Variants in MYO1F observed in about 807,000 individuals in gnomAD.
MYO1F encodes the protein unconventional myosin-If.
In MYO1F, 60 loss-of-function variants were observed where a neutral mutation model predicts 146.6. The ratio of observed to expected loss-of-function variants is 0.41; its 90% CI spans 0.33 to 0.51. The LOEUF (loss-of-function observed/expected upper bound fraction) is 0.51, where lower values mean the gene tolerates loss of function less well. Among genes scored for constraint, MYO1F ranks in the 20% least tolerant of loss-of-function variants. MYO1F has a pLI of 0.25. For synonymous variants in MYO1F, 602 were observed against 602.1 expected (o/e 1.00, Z 0.00); for missense variants, 1,274 against 1,534.3 (o/e 0.83, Z 2.83).
At chr19:8,566,667 C>T (rs1600052894) in intron 1 of MYO1F, among the ~76,000 whole-genome samples, 1 of 151,350 alleles carries the variant, frequency 6.6e-6, no homozygotes, top group East Asian at 1.9e-4. Flanking sequence ...GTGCATGCCA[C>T]CATGCCCAGG....
At chr19:8,524,582 CA>C (rs35275313) in intron 25 of MYO1F, among the ~76,000 whole-genome samples, 106,953 of 132,038 alleles carry the variant, frequency 0.81, 43,949 homozygotes, top group Non-Finnish European at 0.91. Flanking sequence ...GAGACTGTCT[CA>C]AAAAAAAAAA....
intron 1 of MYO1F, among the ~76,000 whole-genome samples, chr19:8,557,974 G>A (rs1973927452): frequency 6.6e-6 from 1 of 151,998 alleles, no homozygotes; most frequent in Non-Finnish European, 1.5e-5. Flanking sequence ...ACCATGTGCT[G>A]TGACCTCTGC....
intron 27 of MYO1F, among the ~76,000 whole-genome samples, 182 bp from the exon 28 acceptor site, chr19:8,521,786 T>G (rs988589551): frequency 5.3e-5 from 8 of 151,716 alleles, no homozygotes; most frequent in Admixed American, 5.2e-4. Context: ...TGTGAGCCAC[T>G]GCATCCGGCC....
intron 1 of MYO1F, among the ~76,000 whole-genome samples, chr19:8,571,211 C>T (rs1327897131): frequency 6.6e-6 from 1 of 152,178 alleles, no homozygotes; most frequent in African/African-American, 2.4e-5. Flanking sequence ...AGCTAAGCCT[C>T]CGTAGCTGCT....
chr19:8,559,555 G>A (rs922564970), intron 1 of MYO1F, among the ~76,000 whole-genome samples: 1 of 152,066 alleles, frequency 6.6e-6, no homozygotes, highest in African/African-American at 2.4e-5. Flanking sequence ...GGGTTGATGA[G>A]AGGATGAACT....
Position 8,527,377 on chromosome 19 carries a change from T to C in MYO1F, c.2435A>G (p.Lys812Arg), listed in dbSNP as rs1972314311. The stretch of plus-strand genomic sequence containing the variant: ...CCGCAGAGCCTGGATGTCCACTTTC[T>C]TCTTCAAGACTTCACACACCTGGCC... ...EKGQVCEVLKKKVDIQALRGV... is the reference protein window; with the variant it reads ...EKGQVCEVLKRKVDIQALRGV... Residue 812 changes from lysine to arginine, a missense_variant, in exon 22 of 28, where the codon AAG (lysine) becomes AGG (arginine). By Grantham distance (26) the Lys-to-Arg change is conservative. Coordinates refer to ENST00000644032, the MANE Select transcript of MYO1F (RefSeq NM_012335.4). The C allele has an allele frequency of 1.2e-6, 2 of 1,614,144 alleles. No homozygotes were observed. The highest frequency in any genetic ancestry group is 4.5e-5 in the East Asian group (2 of 44,876).
At chr19:8,542,296 C>T (rs1053695221) in intron 14 of MYO1F, among the ~76,000 whole-genome samples, 1 of 120,920 alleles carries the variant, frequency 8.3e-6, no homozygotes, top group African/African-American at 3.3e-5. Flanking sequence ...CAGCTTGCAT[C>T]AGAGGCCGGG....
Position 8,550,543 on chromosome 19 carries a change from C to T in MYO1F, c.904+19G>A, listed in dbSNP as rs1973560389. The T allele has an allele frequency of 6.2e-7, 1 of 1,614,000 alleles. No individual in the cohort carries two copies. Among genetic ancestry groups the T allele is most frequent in the Non-Finnish European group, 8.5e-7 (1 of 1,180,028 alleles). On this transcript the variant is annotated intron_variant, in intron 9 of 27. Coordinates refer to ENST00000644032, the MANE Select transcript of MYO1F (RefSeq NM_012335.4). ...CACCCACAGGCCTCCATCCAGCCCT[C>T]CCTGATACCCACACTCACGGTCCAC...
intron 3 of MYO1F, 22 bp from the exon 4 acceptor site, chr19:8,554,593 C>T: frequency 1.9e-6 from 3 of 1,611,982 alleles, no homozygotes; most frequent in East Asian, 2.2e-5. Context: ...GGTCAGGTCT[C>T]AGCCCAGGGC....
At position 8,530,636 on chromosome 19, in the gene MYO1F, G is replaced by C. The variant is rs1158767628; in HGVS notation, c.2044-63C>G. 5 of 1,313,074 alleles carry C rather than the reference G, an allele frequency of 3.8e-6. No homozygotes were observed. Among genetic ancestry groups the C allele is most frequent in the African/African-American group, 2.9e-5 (2 of 69,208 alleles). The allele number at this position is 1,313,074 out of a possible 1,614,324, so 81.3% of individuals were successfully genotyped here. A position where few individuals can be genotyped will look rare whatever the true frequency, so the allele number is the denominator to read the frequency against. On this transcript the variant is annotated intron_variant, in intron 19 of 27. Coordinates refer to ENST00000644032, the MANE Select transcript of MYO1F (RefSeq NM_012335.4). This position sits in a 1 kb window ranked among gnomAD's most constrained non-coding sequence, Gnocchi z 5.8. ...TGTCTCCCCAGGGGCTGCAGTTCCG[G>C]GTTTTCCCTGCGCTCACCCTACTCA...
rs35536931 is a variant in MYO1F, at chr19:8,526,349, G to GTC, written c.2770+102_2770+103dup. 228,125 of 1,373,940 alleles carry GTC rather than the reference G, an allele frequency of 0.17. 6,697 individuals are homozygous for GTC. Among genetic ancestry groups the GTC allele is most frequent in the East Asian group, 0.26 (10,069 of 38,004 alleles). The allele number at this position is 1,373,940 out of a possible 1,614,324, so 85.1% of individuals were successfully genotyped here. ...CTTAAAAAAACCACAAAACTCAAAA[G>GTC]TCTCTCTCTCTCTCTCTGTAGACAC... On this transcript the variant is annotated intron_variant, in intron 24 of 27. Transcript: ENST00000644032.
intron 2 of MYO1F, 124 bp downstream of exon 2, chr19:8,555,535 C>T (rs1973812387): frequency 1.5e-6 from 2 of 1,356,220 alleles, no homozygotes; most frequent in Admixed American, 1.8e-5. Context: ...TGTCTGTCCT[C>T]TGTGTCACCA....
At chr19:8,560,348 G>C (rs1266074022) in intron 1 of MYO1F, among the ~76,000 whole-genome samples, 1 of 151,802 alleles carries the variant, frequency 6.6e-6, no homozygotes, top group Admixed American at 6.6e-5. Flanking sequence ...AGCCGGGTGT[G>C]GGGGTGCGCG....
At chr19:8,559,382 A>C (rs537929145) in intron 1 of MYO1F, among the ~76,000 whole-genome samples, 1 of 151,702 alleles carries the variant, frequency 6.6e-6, no homozygotes, top group African/African-American at 2.4e-5. Context: ...GATTCTGGAC[A>C]TACTGACAGT....
At chr19:8,532,155 CA>C (rs762394192) in intron 19 of MYO1F, among the ~76,000 whole-genome samples, 74 of 138,104 alleles carry the variant, frequency 5.4e-4, no homozygotes, top group Middle Eastern at 3.7e-3. Flanking sequence ...AACTCCATCT[CA>C]AAAAAAAAAA....
intron 10 of MYO1F, among the ~76,000 whole-genome samples, chr19:8,549,035 C>G (rs1239594783): frequency 6.6e-6 from 1 of 151,892 alleles, no homozygotes; most frequent in Non-Finnish European, 1.5e-5. Context: ...ACTGAAACCT[C>G]TGCCTCCAGG....
In MYO1F at chr19:8,541,431, T is replaced by TTTTG. The variant is rs1972965053; in HGVS notation, c.1610+474_1610+475insCAAA. On this transcript the variant is annotated intron_variant, in intron 15 of 27. Coordinates refer to ENST00000644032, the MANE Select transcript of MYO1F (RefSeq NM_012335.4). ...TGTGTGTGTGTGTGTGTGTGTTTTT[T>TTTTG]TTTTTTTTTTTTTTTGAGACAGAAT... 2.1e-5 allele frequency among the ~76,000 whole-genome samples: 3 copies of TTTTG among 146,038 alleles called. No individual in the cohort carries two copies. The South Asian group carries it at 6.5e-4, about 32-fold the overall frequency.
chr19:8,529,928 G>A (rs1972411357), intron 21 of MYO1F: 1 of 597,684 alleles, frequency 1.7e-6, no homozygotes, highest in Non-Finnish European at 3.0e-6. Flanking sequence ...TACCTGTGAT[G>A]GAACAGATGG....
chr19:8,572,235 T>TA (rs1320034536), intron 1 of MYO1F, among the ~76,000 whole-genome samples: 1 of 151,226 alleles, frequency 6.6e-6, no homozygotes, highest in Non-Finnish European at 1.5e-5. Flanking sequence ...GATTCATTGT[T>TA]ACGTTCACTC....
Sources: gnomAD v4.1 joint callset for allele counts (sites outside exome capture counted in the v4.1 genomes callset) on GRCh38, gnomAD v4.1.1 for gene constraint, Gnocchi (gnomAD v3.1) non-coding constraint, MANE v1.5 for transcripts, NCBI Gene and HGNC (gene_info 2026-07-23, HGNC 2026-07-21) for gene names.